TECRL: variants seen among roughly 807,000 people sequenced by gnomAD.
TECRL encodes trans-2,3-enoyl-CoA reductase like, also known as trans-2,3-enoyl-CoA reductase-like.
Under a neutral mutation model 52.8 loss-of-function variants are expected in TECRL, and 63 were observed. That is an observed-to-expected ratio of 1.19 (90% CI 0.97 to 1.47). The LOEUF (loss-of-function observed/expected upper bound fraction) is 1.47, where lower values mean the gene tolerates loss of function less well. Ranked by LOEUF, TECRL falls within the 40% of genes most tolerant of loss-of-function variation. The pLI, the probability that TECRL is intolerant of heterozygous loss-of-function variation, is 0.00. For synonymous variants in TECRL, 164 were observed against 141.9 expected (o/e 1.16, Z -1.10); for missense variants, 482 against 429.6 (o/e 1.12, Z -1.08).
At chr4:64,284,144 T>A (rs7668842) in intron 9 of TECRL, among the ~76,000 whole-genome samples, 1 of 152,040 alleles carries the variant, frequency 6.6e-6, no homozygotes, top group Middle Eastern at 3.4e-3. Flanking sequence ...TTTATGTTTT[T>A]GGAGCACTGT....
chr4:64,375,628 C>A (rs1361529374), intron 1 of TECRL, among the ~76,000 whole-genome samples: 1 of 151,694 alleles, frequency 6.6e-6, no homozygotes, highest in Non-Finnish European at 1.5e-5. Context: ...TTTATATGGA[C>A]AAATGAGAGA....
At chr4:64,372,342 T>G (rs1035962342) in intron 2 of TECRL, among the ~76,000 whole-genome samples, 1 of 151,852 alleles carries the variant, frequency 6.6e-6, no homozygotes, top group African/African-American at 2.4e-5. Context: ...TGTTTGTATG[T>G]GTATGCATAG....
intron 1 of TECRL, among the ~76,000 whole-genome samples, chr4:64,378,543 T>A (rs1018375851): frequency 6.6e-6 from 1 of 152,078 alleles, no homozygotes; most frequent in South Asian, 2.1e-4. Flanking sequence ...GCAAATAGAA[T>A]GTATATTTGC....
At chr4:64,355,413 AT>A in intron 2 of TECRL, among the ~76,000 whole-genome samples, 1 of 81,046 alleles carries the variant, frequency 1.2e-5, no homozygotes, top group East Asian at 3.8e-4. Context: ...TACTCTCCAA[AT>A]TAAAAAAAAA....
chr4:64,397,439 A>C (rs552321150), intron 1 of TECRL, among the ~76,000 whole-genome samples: 1 of 151,740 alleles, frequency 6.6e-6, no homozygotes, highest in Non-Finnish European at 1.5e-5. Context: ...AATATGTTGA[A>C]ATTTTAACAC....
chr4:64,285,806 G>T (rs1224836335), intron 9 of TECRL, among the ~76,000 whole-genome samples: 1 of 152,076 alleles, frequency 6.6e-6, no homozygotes, highest in Non-Finnish European at 1.5e-5. Flanking sequence ...GAAAGAAAAT[G>T]ATGCCCAGAG....
chr4:64,293,996 TA>T (rs199823970), intron 8 of TECRL, among the ~76,000 whole-genome samples: 31,342 of 148,416 alleles, frequency 0.21, 3,442 homozygotes, highest in South Asian at 0.28. Context: ...TATATATATA[TA>T]TTTTTTGGAG....
At chr4:64,306,039 A>C (rs1471979469) in intron 6 of TECRL, among the ~76,000 whole-genome samples, 3 of 152,168 alleles carry the variant, frequency 2.0e-5, no homozygotes, top group Non-Finnish European at 4.4e-5. Flanking sequence ...GAATAAGGAG[A>C]CTGCAACATT....
chr4:64,390,258 G>C (rs1231568276), intron 1 of TECRL, among the ~76,000 whole-genome samples: 1 of 151,906 alleles, frequency 6.6e-6, no homozygotes, highest in Admixed American at 6.6e-5. Context: ...TTGATGCAAA[G>C]AGACTTTGTT....
intron 8 of TECRL, among the ~76,000 whole-genome samples, chr4:64,296,066 G>A (rs959875810): frequency 6.6e-6 from 1 of 151,878 alleles, no homozygotes. Flanking sequence ...CCTTTTATTG[G>A]TACCTATCAA....
At chr4:64,318,254 A>G (rs1717648369) in intron 4 of TECRL, among the ~76,000 whole-genome samples, 1 of 152,176 alleles carries the variant, frequency 6.6e-6, no homozygotes, top group African/African-American at 2.4e-5. Context: ...AGATGCACAT[A>G]ACAGGAATAT....
rs540351205 is a variant in TECRL, at chr4:64,338,288, G to A, written c.287-9732C>T. Among the ~76,000 whole-genome samples the A allele has an allele frequency of 2.6e-5, 4 of 152,128 alleles. No homozygotes were observed. The East Asian group carries it at 7.7e-4, about 29-fold the overall frequency. On this transcript the variant is annotated intron_variant, in intron 2 of 11. Coordinates refer to ENST00000381210, the MANE Select transcript of TECRL (RefSeq NM_001010874.5). Reference sequence around the variant, plus strand: ...CCTTATACAAAAATTAATTCAAGATGGATTAAAGACTTACATGTTAGACCT... The same window carrying A: ...CCTTATACAAAAATTAATTCAAGATAGATTAAAGACTTACATGTTAGACCT...
At chr4:64,401,574 AT>A (rs1724363406) in intron 1 of TECRL, among the ~76,000 whole-genome samples, 1 of 152,130 alleles carries the variant, frequency 6.6e-6, no homozygotes, top group Non-Finnish European at 1.5e-5. Context: ...TATGCTATTT[AT>A]TATATTGTAA....
chr4:64,388,844 A>G (rs1405207877), intron 1 of TECRL, among the ~76,000 whole-genome samples: 1 of 151,928 alleles, frequency 6.6e-6, no homozygotes, highest in African/African-American at 2.4e-5. Flanking sequence ...ATAAATAACA[A>G]TTACACATGA....
At chr4:64,389,456 T>A (rs895495973) in intron 1 of TECRL, among the ~76,000 whole-genome samples, 1 of 152,110 alleles carries the variant, frequency 6.6e-6, no homozygotes, top group South Asian at 2.1e-4. Flanking sequence ...CTTGCACAAG[T>A]AGGATAAATC....
intron 2 of TECRL, among the ~76,000 whole-genome samples, chr4:64,332,338 T>C (rs952892346): frequency 2.6e-5 from 4 of 152,288 alleles, no homozygotes; most frequent in Middle Eastern, 3.4e-3. Context: ...CAATTTTGAG[T>C]CATCTCCATC....
chr4:64,328,664 G>A, intron 2 of TECRL, 108 bp from the exon 3 acceptor site: 1 of 886,804 alleles, frequency 1.1e-6, no homozygotes, highest in Non-Finnish European at 1.8e-6. Flanking sequence ...TAAATAAAAT[G>A]GGTTATCTAG....
intron 2 of TECRL, among the ~76,000 whole-genome samples, chr4:64,346,375 C>A (rs1298534619): frequency 6.6e-6 from 1 of 152,204 alleles, no homozygotes; most frequent in African/African-American, 2.4e-5. Flanking sequence ...AGAAGAGGTT[C>A]TTCTTGAGAG....
chr4:64,379,052 C>T (rs1156751), intron 1 of TECRL, among the ~76,000 whole-genome samples: 98,479 of 151,344 alleles, frequency 0.65, 33,568 homozygotes, highest in Non-Finnish European at 0.75. Flanking sequence ...TCAATTATGC[C>T]GTTTCTATTG....
Sources: allele counts gnomAD v4.1 joint callset (sites outside exome capture counted in the v4.1 genomes callset), GRCh38; gene constraint gnomAD v4.1.1; transcripts MANE v1.5; gene names NCBI Gene and HGNC (gene_info 2026-07-23, HGNC 2026-07-21).